PROM2: variants seen among roughly 807,000 people sequenced by gnomAD.
PROM2 encodes prominin 2.
A neutral mutation model predicts 110.2 loss-of-function variants in PROM2; 90 were observed. The ratio of observed to expected loss-of-function variants is 0.82; its 90% CI spans 0.69 to 0.97. PROM2 has a LOEUF of 0.97. Among genes scored for constraint, PROM2 ranks in the 50% least tolerant of loss-of-function variants. The pLI, the probability that PROM2 is intolerant of heterozygous loss-of-function variation, is 0.00. For synonymous variants in PROM2, 470 were observed against 467.8 expected, an observed-to-expected ratio of 1.00 and a Z score of -0.06; for missense variants, 1,009 against 1,074.8, an observed-to-expected ratio of 0.94 and a Z score of 0.86.
At chr2:95,278,098 A>C in intron 8 of PROM2, 94 bp downstream of exon 8, 1 of 1,086,554 alleles carries the variant, frequency 9.2e-7, no homozygotes, top group Admixed American at 2.0e-5. Context: ...TGAACCTAAT[A>C]TTTGGGGTCC....
intron 21 of PROM2, 79 bp from the exon 22 acceptor site, chr2:95,288,404 C>A: frequency 6.3e-7 from 1 of 1,580,308 alleles, no homozygotes; most frequent in Non-Finnish European, 8.7e-7. Context: ...ATGGCCTCTG[C>A]CCCGGCTCTG....
chr2:95,282,498 A>G (rs1405688031), intron 14 of PROM2, among the ~76,000 whole-genome samples: 1 of 152,092 alleles, frequency 6.6e-6, no homozygotes. Context: ...CAGGAGGATG[A>G]GGGGGCCCAT....
At chr2:95,286,916 A>AT in intron 18 of PROM2, 59 bp downstream of exon 18, 1 of 1,563,158 alleles carries the variant, frequency 6.4e-7, no homozygotes, top group Non-Finnish European at 8.8e-7. Flanking sequence ...GCGGGGAGGA[A>AT]GTAGGAGCCC....
At chr2:95,286,998 A>T in intron 18 of PROM2, 135 bp from the exon 19 acceptor site, 1 of 1,252,616 alleles carries the variant, frequency 8.0e-7, no homozygotes, top group Non-Finnish European at 1.1e-6. Flanking sequence ...GTGGCAGCAG[A>T]GCCTGGGGGA....
rs367992346 is a variant in PROM2, at chr2:95,286,798, C to G, written c.2041-6C>G. The G allele has an allele frequency of 4.3e-6, 7 of 1,612,670 alleles. No homozygotes were observed. In the African/African-American group the frequency reaches 5.3e-5, roughly 12 times the overall value. On this transcript the variant is annotated splice_polypyrimidine_tract_variant and splice_region_variant and intron_variant, in intron 17 of 23. Coordinates refer to ENST00000317620, the MANE Select transcript of PROM2 (RefSeq NM_001165978.3). The stretch of plus-strand genomic sequence containing the variant: ...CCCCTAACCAGCCCTGATCTCTTCT[C>G]CACAGGCAAAGCTCAACCTCAGCGT...
chr2:95,275,998 C>T lies in PROM2; in HGVS notation c.363C>T (p.Pro121=). The change falls in exon 3 of 24, where the codon CCC becomes CCT. Residue 121 remains proline (P), a synonymous_variant. Coordinates refer to ENST00000317620, the MANE Select transcript of PROM2 (RefSeq NM_001165978.3). This position sits in a 1 kb window ranked among gnomAD's most constrained non-coding sequence, Gnocchi z 4.4. ...CGGGCCTCTACCTGCTGCTGGTGCC[C>T]ACTGCCGGGCTTTGCTTCTGCTGCT... The part of the protein sequence containing the change: ...VIAGLYLLLV[P]TAGLCFCCCR... 1.2e-6 allele frequency: 2 copies of T among 1,612,126 alleles called. No individual in the cohort carries two copies. The highest frequency in any genetic ancestry group is 1.3e-5 in the African/African-American group (1 of 75,058).
Position 95,281,274 on chromosome 2 carries a change from C to T in PROM2, c.1460C>T (p.Pro487Leu), listed in dbSNP as rs1427725908. ...GGCCTCAGCTTCCTCTTTGCTGCAC[C>T]CCTCATCCTCCTGGTGTTCGCCACC... ...GVGLSFLFAA[P>L]LILLVFATFL... The change falls in exon 12 of 24, where the codon CCC becomes CTC. Residue 487 changes from proline to leucine, a missense_variant. Pro to Leu is a moderately conservative substitution (Grantham distance 98). Coordinates refer to ENST00000317620, the MANE Select transcript of PROM2 (RefSeq NM_001165978.3). 3 of 1,613,386 alleles carry T rather than the reference C, an allele frequency of 1.9e-6. No individual in the cohort carries two copies. The South Asian group carries it at 3.3e-5, about 18-fold the overall frequency.
intron 17 of PROM2, 99 bp from the exon 18 acceptor site, chr2:95,286,690 CCTCCTCTCCCCTCCT>C: frequency 1.5e-6 from 1 of 669,200 alleles, no homozygotes; most frequent in Non-Finnish European, 2.6e-6. Flanking sequence ...CCTCCTCTCC[CCTCCTCTCCCCTCCT>C]CTCCCCTCCC....
Position 95,279,960 on chromosome 2 carries a change from G to T in PROM2, c.1390G>T (p.Glu464Ter), listed in dbSNP as rs776610219. 2.0e-6 allele frequency: 3 copies of T among 1,503,376 alleles called. No individual in the cohort carries two copies. In the South Asian group the frequency reaches 4.0e-5, roughly 20 times the overall value. The allele number at this position is 1,503,376 out of a possible 1,614,324, so 93.1% of individuals were successfully genotyped here. ...TGCCAGGGACGACCCCAGCCACCCA[G>T]AAGCCAAGGGCGAGGCTGGAGCCCG... Reference protein sequence around the residue: ...LSARDDPSHPEAKGEAGARFL... With the variant: ...LSARDDPSHP The change falls in exon 11 of 24, where the codon GAA (glutamate) becomes TAA (stop). Residue 464 changes from glutamate to a stop codon, truncating the protein, a stop_gained. Transcript: ENST00000317620. LOFTEE classifies it high-confidence loss of function.
chr2:95,281,951 C>G lies in PROM2; in HGVS notation c.1578C>G (p.Pro526=). Residue 526 remains proline (P), a synonymous_variant, in exon 13 of 24, where the codon CCC becomes CCG. Transcript: ENST00000317620. ...TTGCAGACACCCCAGGGAACCTGCC[C>G]CCGTCCATGAACCTGTCGCAACTTC... The part of the protein sequence containing the change: ...FEFADTPGNL[P]PSMNLSQLLG... The G allele has an allele frequency of 1.9e-6, 3 of 1,614,104 alleles. No homozygotes were observed. The highest frequency in any genetic ancestry group is 1.7e-5 in the Admixed American group (1 of 60,022).
rs376132287 is a variant in PROM2, at chr2:95,288,914, T to A, written c.2442-19T>A. 1.1e-5 allele frequency: 18 copies of A among 1,612,558 alleles called. No homozygotes were observed. In the African/African-American group the frequency reaches 1.7e-4, roughly 16 times the overall value. Reference sequence around the variant, plus strand: ...TCTGGGGGGAAGGGTATGCTCACTCTCTGTCTTTGACACTGCAGCTCCACC... The same window carrying A: ...TCTGGGGGGAAGGGTATGCTCACTCACTGTCTTTGACACTGCAGCTCCACC... On this transcript the variant is annotated intron_variant, in intron 22 of 23. Transcript: ENST00000317620.
In PROM2 at chr2:95,276,917, G is replaced by A. The variant is rs1444803336; in HGVS notation, c.683-55G>A. The A allele has an allele frequency of 1.1e-5, 17 of 1,522,020 alleles. No individual in the cohort carries two copies. Among genetic ancestry groups the A allele is most frequent in the Admixed American group, 2.0e-5 (1 of 50,900 alleles). 94.3% of individuals were successfully genotyped at this position (1,522,020 alleles called of 1,614,324 possible). On this transcript the variant is annotated intron_variant, in intron 5 of 23. Coordinates refer to ENST00000317620, the MANE Select transcript of PROM2 (RefSeq NM_001165978.3). The surrounding 1 kb of genome is among the most constrained non-coding windows in gnomAD (Gnocchi z 4.6). ...GCCTGGGGAGGCAGGATGGGAATGG[G>A]GAGGGCCCCTCCACTCTTGGGGTCC... is the stretch of plus-strand genomic sequence containing the variant.
chr2:95,287,639 C>T (rs1218036511), intron 20 of PROM2, among the ~76,000 whole-genome samples, 175 bp downstream of exon 20: 2 of 152,150 alleles, frequency 1.3e-5, no homozygotes, highest in South Asian at 2.1e-4. Context: ...GAGCTCTGTC[C>T]ACCCCACCTC....
Position 95,291,084 on chromosome 2 carries a change from A to G in PROM2, c.*1871A>G, listed in dbSNP as rs1266890975. On this transcript the variant is annotated 3_prime_UTR_variant, in exon 24 of 24. Coordinates refer to ENST00000317620, the MANE Select transcript of PROM2 (RefSeq NM_001165978.3). ...GCTGGAAGTGTCTATGTTTAACTGCATCTTATAAACCAGCAACAAGTTTTC... is the reference window on the plus strand; with the variant it reads ...GCTGGAAGTGTCTATGTTTAACTGCGTCTTATAAACCAGCAACAAGTTTTC... 6.6e-6 allele frequency: 1 copy of G among 152,166 alleles called. No homozygotes were observed. The highest frequency in any genetic ancestry group is 2.4e-5 in the African/African-American group (1 of 41,430). The allele number at this position is 152,166 out of a possible 1,614,324, so 9.4% of individuals were successfully genotyped here. A position where few individuals can be genotyped will look rare whatever the true frequency, so the allele number is the denominator to read the frequency against.
intron 8 of PROM2, 126 bp from the exon 9 acceptor site, chr2:95,278,595 C>A: frequency 9.0e-7 from 1 of 1,107,016 alleles, no homozygotes. Context: ...GGGCAGCGAC[C>A]AAGAGAAAAG....
intron 18 of PROM2, 111 bp downstream of exon 18, chr2:95,286,968 G>A: frequency 7.2e-7 from 1 of 1,383,146 alleles, no homozygotes; most frequent in Admixed American, 1.7e-5. Context: ...GTTGCAGGTG[G>A]GGTTGGGAGG....
At chr2:95,282,398 G>C (rs912892436) in intron 14 of PROM2, among the ~76,000 whole-genome samples, 172 bp downstream of exon 14, 10 of 152,192 alleles carry the variant, frequency 6.6e-5, no homozygotes, top group Admixed American at 2.0e-4. Flanking sequence ...GGAAGGTTCC[G>C]GGTGTGTAGG....
chr2:95,285,594 G>T, intron 15 of PROM2, 45 bp from the exon 16 acceptor site: 1 of 1,529,874 alleles, frequency 6.5e-7, no homozygotes, highest in Non-Finnish European at 8.9e-7. Flanking sequence ...GTGGGCCCCA[G>T]GGGAGCTGGG....
In PROM2 at chr2:95,277,584, A is replaced by T; in HGVS notation, c.975+18A>T. 1 of 1,528,998 alleles carries T rather than the reference A, an allele frequency of 6.5e-7. No homozygotes were observed. Among genetic ancestry groups the T allele is most frequent in the South Asian group, 1.3e-5 (1 of 77,226 alleles). 94.7% of individuals were successfully genotyped at this position (1,528,998 alleles called of 1,614,324 possible). A position where few individuals can be genotyped will look rare whatever the true frequency, so the allele number is the denominator to read the frequency against. Reference sequence around the variant, plus strand: ...TCAGCCAGGTGCAGACCCAGGACAGAGTCCTCTTAAAGCCACGGAGGGCTA... The same window carrying T: ...TCAGCCAGGTGCAGACCCAGGACAGTGTCCTCTTAAAGCCACGGAGGGCTA... On this transcript the variant is annotated intron_variant, in intron 7 of 23. Coordinates refer to ENST00000317620, the MANE Select transcript of PROM2 (RefSeq NM_001165978.3).
Sources: gnomAD v4.1 joint callset for allele counts (sites outside exome capture counted in the v4.1 genomes callset) on GRCh38, gnomAD v4.1.1 for gene constraint, Gnocchi (gnomAD v3.1) non-coding constraint, MANE v1.5 for transcripts, NCBI Gene and HGNC (gene_info 2026-07-23, HGNC 2026-07-21) for gene names.